The following SPTLC1 variants were observed in gnomAD, a reference collection of about 807,000 sequenced individuals.
The protein encoded by SPTLC1 is serine palmitoyltransferase 1.
In SPTLC1, 55 loss-of-function variants were observed where a neutral mutation model predicts 68.9. The ratio of observed to expected loss-of-function variants is 0.80; its 90% CI spans 0.64 to 1.00. The LOEUF is 1.00. Ranked by LOEUF, SPTLC1 falls within the 50% of genes least tolerant of loss-of-function variation. The probability of loss-of-function intolerance (pLI) is 0.00; values close to 1 mark genes in which losing one functional copy is unlikely to be tolerated. For synonymous variants in SPTLC1, 197 were observed against 201.6 expected (o/e 0.98, Z 0.19); for missense variants, 449 against 573.1 (o/e 0.78, Z 2.21).
At chr9:92,045,905 A>C in intron 12 of SPTLC1, 94 bp downstream of exon 12, 1 of 1,224,806 alleles carries the variant, frequency 8.2e-7, no homozygotes, top group South Asian at 1.3e-5. Flanking sequence ...CAATCTGGTC[A>C]AACTGACCCA....
intron 5 of SPTLC1, among the ~76,000 whole-genome samples, chr9:92,073,300 T>C (rs1024621874): frequency 6.6e-6 from 1 of 152,356 alleles, no homozygotes; most frequent in South Asian, 2.1e-4. Context: ...AAATGTCATC[T>C]TCACTTTGGA....
At chr9:92,098,702 C>CA (rs200007647) in intron 3 of SPTLC1, among the ~76,000 whole-genome samples, 16,214 of 147,448 alleles carry the variant, frequency 0.11, 1,836 homozygotes, top group African/African-American at 0.3. Context: ...GTGTAGGTTT[C>CA]AAAAAAAAAA....
intron 3 of SPTLC1, among the ~76,000 whole-genome samples, chr9:92,095,974 G>A (rs1835515046): frequency 6.6e-6 from 1 of 152,198 alleles, no homozygotes. Flanking sequence ...CTGAAGAAGT[G>A]CTCTCTGGAG....
rs376427329 is a variant in SPTLC1, at chr9:92,034,879, A to G, written c.1259T>C (p.Met420Thr). 5 of 1,614,088 alleles carry G rather than the reference A, an allele frequency of 3.1e-6. No homozygotes were observed. The highest frequency in any genetic ancestry group is 2.2e-5 in the South Asian group (2 of 91,086). Residue 420 changes from methionine (M) to threonine (T), a missense_variant, in exon 14 of 15, where the codon ATG becomes ACG. This residue lies in a region of SPTLC1 where 391 missense variants were observed against 472.1 expected (regional missense o/e 0.83). Transcript: ENST00000262554. ...CTGAGTTAATGCAATACTTCTGTTC[A>G]TGCACTGTAGGAAGAAAAAGAAGAC... Reference protein sequence around the residue: ...RLLQEIVDQCMNRSIALTQAR... With the variant: ...RLLQEIVDQCTNRSIALTQAR...
intron 3 of SPTLC1, among the ~76,000 whole-genome samples, chr9:92,098,230 C>A (rs1195310640): frequency 6.6e-6 from 1 of 152,160 alleles, no homozygotes; most frequent in Non-Finnish European, 1.5e-5. Flanking sequence ...TTCCTGTTCC[C>A]GCCACCCGGA....
intron 1 of SPTLC1, among the ~76,000 whole-genome samples, chr9:92,114,735 CA>C (rs200895703): frequency 5.7e-4 from 63 of 110,380 alleles, no homozygotes; most frequent in African/African-American, 1.1e-3. Flanking sequence ...AACACCGTCT[CA>C]AAAAAAAAAA....
At chr9:92,087,361 C>T (rs1337000256) in intron 3 of SPTLC1, among the ~76,000 whole-genome samples, 1 of 152,112 alleles carries the variant, frequency 6.6e-6, no homozygotes, top group Non-Finnish European at 1.5e-5. Flanking sequence ...GTTTTTTCCC[C>T]ATCTTTGTGG....
In SPTLC1 at chr9:92,048,368, G is replaced by C. The variant is rs78422091; in HGVS notation, c.889-660C>G. ...AGTAGGCATTCAATCATTACTTACTGATGGCCATGTTAATGGATTGTCAGA... is the reference window on the plus strand; with the variant it reads ...AGTAGGCATTCAATCATTACTTACTCATGGCCATGTTAATGGATTGTCAGA... On this transcript the variant is annotated intron_variant, in intron 9 of 14. Transcript: ENST00000262554. 8.4e-3 allele frequency among the ~76,000 whole-genome samples: 1,279 copies of C among 152,274 alleles called. 58 individuals carry two copies. Among genetic ancestry groups the C allele is most frequent in the Admixed American group, 0.076 (1,165 of 15,288 alleles).
At chr9:92,038,392 T>G (rs1339549774) in intron 12 of SPTLC1, 27 bp from the exon 13 acceptor site, 1 of 1,417,644 alleles carries the variant, frequency 7.1e-7, no homozygotes, top group South Asian at 1.1e-5. Context: ...CACACACAGC[T>G]GTAAGTCCCT....
In SPTLC1 at chr9:92,079,801, G is replaced by A. The variant is rs1834814974; in HGVS notation, c.427+215C>T. ...AATCCCCACACATGCACACGAGGATGAGCCCACCATGCCCGGCTAATTTTA... is the reference window on the plus strand; with the variant it reads ...AATCCCCACACATGCACACGAGGATAAGCCCACCATGCCCGGCTAATTTTA... On this transcript the variant is annotated intron_variant, in intron 5 of 14. Transcript: ENST00000262554. The A allele has an allele frequency of 9.4e-5, 61 of 651,034 alleles. No homozygotes were observed. In the South Asian group the frequency reaches 1.0e-3, roughly 11 times the overall value. 40.3% of individuals were successfully genotyped at this position (651,034 alleles called of 1,614,324 possible).
At chr9:92,034,432 A>G (rs111795104) in intron 14 of SPTLC1, among the ~76,000 whole-genome samples, 15 of 152,276 alleles carry the variant, frequency 9.9e-5, no homozygotes, top group African/African-American at 3.4e-4. Flanking sequence ...GCAGAGGCGC[A>G]TGCCCACCCC....
In SPTLC1 at chr9:92,105,309, A is replaced by C. The variant is rs1317837286; in HGVS notation, c.260+3431T>G. 4.6e-6 allele frequency: 7 copies of C among 1,532,136 alleles called. No homozygotes were observed. The African/African-American group carries it at 5.5e-5, about 12-fold the overall frequency. 94.9% of individuals were successfully genotyped at this position (1,532,136 alleles called of 1,614,324 possible). ...GCACTGTTGGTGGGTCAGGCTTCCC[A>C]AAGAGAAGGACGCCTCCAGCAGGGC... On this transcript the variant is annotated intron_variant, in intron 3 of 14. Transcript: ENST00000262554.
Position 92,055,423 on chromosome 9 carries a change from A to C in SPTLC1, c.762T>G (p.Ile254Met), listed in dbSNP as rs1441711368. 1 of 1,613,690 alleles carries C rather than the reference A, an allele frequency of 6.2e-7. No individual in the cohort carries two copies. Among genetic ancestry groups the C allele is most frequent in the Non-Finnish European group, 8.5e-7 (1 of 1,179,892 alleles). ...TGCTTACCAATTCTGGAAGAGGACA[A>C]ATAGTTCCAGTATTCATATACAATC... Reference protein sequence around the residue: ...VEGLYMNTGTICPLPELVKLK... With the variant: ...VEGLYMNTGTMCPLPELVKLK... The change falls in exon 8 of 15, where the codon ATT (isoleucine) becomes ATG (methionine). Residue 254 changes from isoleucine to methionine, a missense_variant. By Grantham distance (10) the Ile-to-Met change is conservative. This residue lies in a region of SPTLC1 where 391 missense variants were observed against 472.1 expected (regional missense o/e 0.83). Transcript: ENST00000262554.
chr9:92,071,295 G>A (rs1459799521), intron 5 of SPTLC1, among the ~76,000 whole-genome samples: 2 of 152,006 alleles, frequency 1.3e-5, no homozygotes, highest in Non-Finnish European at 2.9e-5. Flanking sequence ...AGCTACCTGG[G>A]AGGCTGAGGC....
intron 14 of SPTLC1, among the ~76,000 whole-genome samples, chr9:92,033,799 G>A (rs557186706): frequency 5.3e-5 from 8 of 152,248 alleles, no homozygotes; most frequent in Admixed American, 3.9e-4. Context: ...TGCCCACCTC[G>A]GTCTCCCAGG....
intron 8 of SPTLC1, among the ~76,000 whole-genome samples, chr9:92,052,861 C>A (rs1420357082): frequency 8.6e-5 from 13 of 151,868 alleles, no homozygotes; most frequent in Admixed American, 7.9e-4. Context: ...AAATAAAACA[C>A]AAAAGCACAA....
chr9:92,090,249 G>C (rs1025166045), intron 3 of SPTLC1, among the ~76,000 whole-genome samples: 1 of 152,136 alleles, frequency 6.6e-6, no homozygotes, highest in Non-Finnish European at 1.5e-5. Context: ...AGGGGGAGTG[G>C]GGATGGGGAA....
intron 6 of SPTLC1, among the ~76,000 whole-genome samples, chr9:92,059,856 G>A (rs1427881544): frequency 6.6e-6 from 1 of 152,168 alleles, no homozygotes; most frequent in Non-Finnish European, 1.5e-5. Flanking sequence ...GCTGTAACAA[G>A]GCGACACACC....
At chr9:92,052,262 TAG>T (rs1250450287) in intron 8 of SPTLC1, among the ~76,000 whole-genome samples, 2 of 151,988 alleles carry the variant, frequency 1.3e-5, no homozygotes, top group Non-Finnish European at 2.9e-5. Context: ...TGAAACAGAA[TAG>T]AGTCTAGAAA....
Sources: allele counts gnomAD v4.1 joint callset (sites outside exome capture counted in the v4.1 genomes callset), GRCh38; gene constraint gnomAD v4.1.1; regional missense constraint gnomAD v4.1.1; transcripts MANE v1.5; gene names NCBI Gene and HGNC (gene_info 2026-07-23, HGNC 2026-07-21).